Variants in SEMA5A observed in about 807,000 individuals in gnomAD.
SEMA5A encodes semaphorin 5A.
In SEMA5A, 55 loss-of-function variants were observed where a neutral mutation model predicts 135.5. That is an observed-to-expected ratio of 0.41 (90% confidence interval 0.33 to 0.51). SEMA5A has a LOEUF of 0.51. Among genes scored for constraint, SEMA5A ranks in the 20% least tolerant of loss-of-function variants. SEMA5A has a pLI of 0.37. For synonymous variants in SEMA5A, 580 were observed against 546.5 expected (o/e 1.06, Z -0.85); for missense variants, 1,290 against 1,419.9 (o/e 0.91, Z 1.47).
intron 3 of SEMA5A, among the ~76,000 whole-genome samples, chr5:9,342,262 A>G (rs1753686459): frequency 6.6e-6 from 1 of 152,208 alleles, no homozygotes. Flanking sequence ...TGTGGAAGAC[A>G]TGACAGTCAT....
In SEMA5A at chr5:9,154,075, ATATATATATATATATATATG is replaced by A. The variant is rs1483089848; in HGVS notation, c.1481+393_1481+412del. ...AAAAAAAAAAAAAATATATATATAT[ATATATATATATATATATATG>A]TGTGTGTGTGTATGTGTGTGTATGT... On this transcript the variant is annotated intron_variant, in intron 12 of 22. Transcript: ENST00000382496. 2.4e-4 allele frequency among the ~76,000 whole-genome samples: 17 copies of A among 70,074 alleles called. 1 individual carries two copies. The highest frequency in any genetic ancestry group is 7.0e-4 in the African/African-American group (16 of 23,016). 46.0% of individuals were successfully genotyped at this position (70,074 alleles called of 152,430 possible). A position where few individuals can be genotyped will look rare whatever the true frequency, so the allele number is the denominator to read the frequency against.
chr5:9,244,604 G>A (rs994339482), intron 5 of SEMA5A, among the ~76,000 whole-genome samples: 1 of 152,246 alleles, frequency 6.6e-6, no homozygotes, highest in Admixed American at 6.5e-5. Context: ...TGGGCAGGCA[G>A]CTTGGCTGCT....
At chr5:9,118,683 TCTC>T (rs1246439319) in intron 15 of SEMA5A, among the ~76,000 whole-genome samples, 1 of 152,050 alleles carries the variant, frequency 6.6e-6, no homozygotes, top group Admixed American at 6.6e-5. Context: ...CAAGAGTAAG[TCTC>T]CTGCAGACGT....
intron 4 of SEMA5A, among the ~76,000 whole-genome samples, chr5:9,329,551 AAC>A (rs1279363929): frequency 2.0e-5 from 3 of 152,238 alleles, no homozygotes; most frequent in East Asian, 1.9e-4. Flanking sequence ...ATATTTGAGT[AAC>A]ACAGAGTCTT....
intron 14 of SEMA5A, among the ~76,000 whole-genome samples, chr5:9,122,321 A>G (rs931536824): frequency 6.6e-6 from 1 of 152,200 alleles, no homozygotes; most frequent in Non-Finnish European, 1.5e-5. Flanking sequence ...TAGTGTTATT[A>G]TATCCTACCC....
chr5:9,419,584 A>G (rs1315056173), intron 2 of SEMA5A, among the ~76,000 whole-genome samples: 1 of 152,158 alleles, frequency 6.6e-6, no homozygotes, highest in Non-Finnish European at 1.5e-5. Context: ...ACATCTGGTC[A>G]ACCTCTTCTG....
intron 16 of SEMA5A, among the ~76,000 whole-genome samples, chr5:9,085,713 C>A (rs1446136147): frequency 6.6e-6 from 1 of 152,202 alleles, no homozygotes; most frequent in Non-Finnish European, 1.5e-5. Flanking sequence ...TCAGAGCCCC[C>A]TCACAGTGTC....
chr5:9,096,740 A>G (rs1579385588), intron 16 of SEMA5A, among the ~76,000 whole-genome samples: 1 of 152,184 alleles, frequency 6.6e-6, no homozygotes, highest in Admixed American at 6.5e-5. Flanking sequence ...AACTCATACA[A>G]CATGATAAAA....
In SEMA5A at chr5:9,337,738, G is replaced by C. The variant is rs781398366; in HGVS notation, c.199C>G (p.Gln67Glu). 6.8e-6 allele frequency: 11 copies of C among 1,611,370 alleles called. No individual in the cohort carries two copies. Among genetic ancestry groups the C allele is most frequent in the African/African-American group, 1.3e-5 (1 of 74,874 alleles). Residue 67 changes from glutamine to glutamate, a missense_variant, in exon 4 of 23, where the codon CAG becomes GAG. Physicochemically the swap from Gln to Glu is conservative, Grantham distance 29 (BLOSUM62 2). Around this residue, in one of 3 missense-constraint regions of SEMA5A, gnomAD observed 116 missense variants for 121.3 expected, o/e 0.96. Coordinates refer to ENST00000382496, the MANE Select transcript of SEMA5A (RefSeq NM_003966.3). ...DFSQLTFDPG[Q>E]KELVVGARNY... Reference sequence around the variant, plus strand: ...CTTGCTCCTACAACAAGTTCTTTCTGTCCTGGGTCAAATGTTAACTGCGAG... The same window carrying C: ...CTTGCTCCTACAACAAGTTCTTTCTCTCCTGGGTCAAATGTTAACTGCGAG...
chr5:9,088,114 C>T lies in SEMA5A; in HGVS notation c.2073+20026G>A, dbSNP rs142503277. On this transcript the variant is annotated intron_variant, in intron 16 of 22. Transcript: ENST00000382496. Reference sequence around the variant, plus strand: ...ACGAGGTCAAAAGATCAAGACCATTCTGCCCAACATGGTGAAACCCCGTCT... The same window carrying T: ...ACGAGGTCAAAAGATCAAGACCATTTTGCCCAACATGGTGAAACCCCGTCT... Among the ~76,000 whole-genome samples the T allele has an allele frequency of 2.6e-4, 40 of 152,190 alleles. 2 individuals are homozygous for T. Among genetic ancestry groups the T allele is most frequent in the African/African-American group, 4.8e-4 (20 of 41,528 alleles).
At chr5:9,303,334 T>C (rs1353299468) in intron 5 of SEMA5A, among the ~76,000 whole-genome samples, 3 of 152,060 alleles carry the variant, frequency 2.0e-5, no homozygotes, top group Non-Finnish European at 1.5e-5. Context: ...GCCAGGATGG[T>C]CTCAATCTCC....
chr5:9,117,237 C>G (rs1740565883), intron 15 of SEMA5A, among the ~76,000 whole-genome samples: 2 of 152,166 alleles, frequency 1.3e-5, no homozygotes, highest in African/African-American at 4.8e-5. Flanking sequence ...ATGTTAGCCA[C>G]AGTGTTAATC....
chr5:9,128,312 C>T (rs374003506), intron 13 of SEMA5A, among the ~76,000 whole-genome samples: 60 of 152,240 alleles, frequency 3.9e-4, no homozygotes, highest in Admixed American at 1.3e-3. Flanking sequence ...GTCTAGAAAC[C>T]GACATGTGAC....
intron 5 of SEMA5A, among the ~76,000 whole-genome samples, chr5:9,293,613 T>C (rs946595362): frequency 2.6e-5 from 4 of 152,244 alleles, no homozygotes; most frequent in African/African-American, 9.6e-5. Context: ...GTTTGTGTAA[T>C]TTTCCTTTCA....
intron 5 of SEMA5A, among the ~76,000 whole-genome samples, chr5:9,250,880 C>T (rs1158220211): frequency 6.6e-6 from 1 of 152,114 alleles, no homozygotes; most frequent in Admixed American, 6.6e-5. Context: ...GAAAAATAGA[C>T]TAACAAATTA....
At chr5:9,112,373 G>T (rs545744688) in intron 15 of SEMA5A, among the ~76,000 whole-genome samples, 2 of 152,124 alleles carry the variant, frequency 1.3e-5, no homozygotes, top group East Asian at 3.9e-4. Context: ...GTTCCATTCT[G>T]GTTAGATCCA....
chr5:9,183,970 C>A (rs1744666422), intron 11 of SEMA5A, among the ~76,000 whole-genome samples: 1 of 152,172 alleles, frequency 6.6e-6, no homozygotes, highest in Non-Finnish European at 1.5e-5. Context: ...TACTTGAAAT[C>A]TGGTATTGAG....
intron 16 of SEMA5A, among the ~76,000 whole-genome samples, chr5:9,100,004 A>C (rs1023987397): frequency 6.6e-6 from 1 of 152,344 alleles, no homozygotes; most frequent in Non-Finnish European, 1.5e-5. Context: ...CTTTTCTTTC[A>C]TGTGTCCCAG....
intron 1 of SEMA5A, among the ~76,000 whole-genome samples, chr5:9,451,140 C>A (rs1758628548): frequency 6.6e-6 from 1 of 152,098 alleles, no homozygotes; most frequent in African/African-American, 2.4e-5. Context: ...GTCGGTTACG[C>A]TTCTCATCTA....
Sources: gnomAD v4.1 joint callset for allele counts (sites outside exome capture counted in the v4.1 genomes callset) on GRCh38, gnomAD v4.1.1 for gene constraint, gnomAD v4.1.1 regional missense constraint, MANE v1.5 for transcripts, NCBI Gene and HGNC (gene_info 2026-07-23, HGNC 2026-07-21) for gene names.